Variants in ZRANB1 observed in about 807,000 individuals in gnomAD.
ZRANB1 encodes the protein ubiquitin thioesterase ZRANB1.
A neutral mutation model predicts 80.5 loss-of-function variants in ZRANB1; 16 were observed. The ratio of observed to expected loss-of-function variants is 0.20; its 90% CI spans 0.13 to 0.30. The LOEUF (loss-of-function observed/expected upper bound fraction) is 0.30. Ranked by LOEUF, ZRANB1 falls within the 10% of genes least tolerant of loss-of-function variation. The pLI is 1.00. For synonymous variants in ZRANB1, 291 were observed against 293.1 expected (o/e 0.99, Z 0.07); for missense variants, 576 against 862.6 (o/e 0.67, Z 4.16).
At position 124,971,965 on chromosome 10, in the gene ZRANB1, G is replaced by A; in HGVS notation, c.1003G>A (p.Val335Met). The A allele has an allele frequency of 6.3e-7, 1 of 1,587,498 alleles. No homozygotes were observed. The highest frequency in any genetic ancestry group is 1.3e-5 in the African/African-American group (1 of 74,114). ...QDMLAILLTE[V>M]SQQAAKCIPA... ...GAGGAAGGTTTCTTTTGTATTTAAG[G>A]TGTCTCAACAAGCAGCAAAGTGTAT... Residue 335 changes from valine to methionine, a missense_variant and splice_region_variant, in exon 3 of 9, where the codon GTG becomes ATG. Physicochemically the swap from Val to Met is conservative, Grantham distance 21. Around this residue, in one of 3 missense-constraint regions of ZRANB1, gnomAD observed 411 missense variants for 583.1 expected, o/e 0.70. Coordinates refer to ENST00000359653, the MANE Select transcript of ZRANB1 (RefSeq NM_017580.3).
chr10:124,981,675 A>G (rs751422576), intron 5 of ZRANB1, 34 bp from the exon 6 acceptor site: 3 of 1,544,298 alleles, frequency 1.9e-6, no homozygotes, highest in Non-Finnish European at 2.6e-6. Context: ...ATAGAAGACT[A>G]TTTATTTATT....
At position 124,984,765 on chromosome 10, in the gene ZRANB1, C is replaced by G. The variant is rs749018228; in HGVS notation, c.1909-9C>G. On this transcript the variant is annotated splice_polypyrimidine_tract_variant and intron_variant, in intron 8 of 8. Transcript: ENST00000359653. ...TGATTTTCCCTTTGTCTTCATATTC[C>G]TCCAAAAGCTAGGTAATGAGGAACA... is the stretch of plus-strand genomic sequence containing the variant. 3 of 1,611,354 alleles carry G rather than the reference C, an allele frequency of 1.9e-6. No homozygotes were observed. The East Asian group carries it at 6.7e-5, about 36-fold the overall frequency.
chr10:124,924,270 T>G, the ZRANB1 span, among the ~76,000 whole-genome samples: 6 of 151,174 alleles, frequency 4.0e-5, no homozygotes, highest in Non-Finnish European at 7.4e-5. Flanking sequence ...TTAATTGGAA[T>G]CAGTTGCAAA....
At chr10:124,919,668 G>C in the ZRANB1 span, among the ~76,000 whole-genome samples, 3 of 137,782 alleles carry the variant, frequency 2.2e-5, no homozygotes, top group African/African-American at 8.5e-5. Flanking sequence ...CTGAATTGCA[G>C]TGGCGCGATT....
intron 5 of ZRANB1, among the ~76,000 whole-genome samples, chr10:124,975,860 G>T (rs1171513366): frequency 6.6e-6 from 1 of 152,248 alleles, no homozygotes; most frequent in African/African-American, 2.4e-5. Context: ...AAATTAGCCA[G>T]GTGTGGTGGT....
At chr10:124,948,738 C>T (rs762601004) in intron 1 of ZRANB1, among the ~76,000 whole-genome samples, 1 of 152,132 alleles carries the variant, frequency 6.6e-6, no homozygotes, top group Non-Finnish European at 1.5e-5. Context: ...TTATTTGTCT[C>T]TCTCTACTCT....
intron 5 of ZRANB1, among the ~76,000 whole-genome samples, chr10:124,976,505 A>G (rs960431865): frequency 6.7e-6 from 1 of 150,204 alleles, no homozygotes; most frequent in Non-Finnish European, 1.5e-5. Flanking sequence ...TGGTAAATCT[A>G]CCACTTTGCA....
At chr10:124,984,387 G>GA (rs1327138563) in intron 8 of ZRANB1, 18 of 171,854 alleles carry the variant, frequency 1.0e-4, no homozygotes, top group Admixed American at 2.4e-4. Context: ...ACAACATGAA[G>GA]AAAAAAAGTT....
the ZRANB1 span, among the ~76,000 whole-genome samples, chr10:124,924,021 G>A: frequency 1.4e-4 from 21 of 149,732 alleles, no homozygotes; most frequent in Admixed American, 4.0e-4. Flanking sequence ...CTCACACACC[G>A]CAGTTTTGGT....
At chr10:124,981,645 G>A in intron 5 of ZRANB1, 64 bp from the exon 6 acceptor site, 1 of 1,403,248 alleles carries the variant, frequency 7.1e-7, no homozygotes, top group Admixed American at 2.5e-5. Flanking sequence ...AAAATGATCA[G>A]AACTTTAAAT....
Position 124,961,341 on chromosome 10 carries a change from C to T in ZRANB1, c.815-5253C>T, listed in dbSNP as rs74160984. Reference sequence around the variant, plus strand: ...ATTTTTAAGAACCGTAATTTCCTTTCAGTTGAATATTTTCAGTAATGTTTT... The same window carrying T: ...ATTTTTAAGAACCGTAATTTCCTTTTAGTTGAATATTTTCAGTAATGTTTT... On this transcript the variant is annotated intron_variant, in intron 1 of 8. Coordinates refer to ENST00000359653, the MANE Select transcript of ZRANB1 (RefSeq NM_017580.3). Among the ~76,000 whole-genome samples, 810 of 152,258 alleles carry T rather than the reference C, an allele frequency of 5.3e-3. 10 individuals are homozygous for T. Among genetic ancestry groups the T allele is most frequent in the African/African-American group, 0.018 (743 of 41,536 alleles).
chr10:124,955,963 A>G (rs1951684950), intron 1 of ZRANB1, among the ~76,000 whole-genome samples: 1 of 152,194 alleles, frequency 6.6e-6, no homozygotes, highest in Non-Finnish European at 1.5e-5. Context: ...TGTTTCTATT[A>G]AGGCAAATGG....
At chr10:124,925,251 C>T in the ZRANB1 span, among the ~76,000 whole-genome samples, 32 of 152,288 alleles carry the variant, frequency 2.1e-4, no homozygotes, top group East Asian at 1.9e-3. Context: ...CGTTTCTCTA[C>T]ATCCTAATCA....
In ZRANB1 at chr10:124,966,595, G is replaced by C; in HGVS notation, c.816G>C (p.Gly272=). 6.2e-7 allele frequency: 1 copy of C among 1,612,108 alleles called. No homozygotes were observed. The highest frequency in any genetic ancestry group is 8.5e-7 in the Non-Finnish European group (1 of 1,178,526). ...TDWLFLNACV[G]VVEGDLAAIE... ...TTTCTATCTTGATGCTTGTTTTAGG[G>C]GTTGTAGAAGGTGATTTAGCTGCCA... The change falls in exon 2 of 9, where the codon GGG becomes GGC. Residue 272 remains glycine, a splice_region_variant and synonymous_variant. Coordinates refer to ENST00000359653, the MANE Select transcript of ZRANB1 (RefSeq NM_017580.3).
chr10:124,924,192 C>T, the ZRANB1 span, among the ~76,000 whole-genome samples: 1 of 151,528 alleles, frequency 6.6e-6, no homozygotes, highest in Non-Finnish European at 1.5e-5. Flanking sequence ...GCTTGATGAG[C>T]CTCCGCACCT....
chr10:124,935,136 C>T, the ZRANB1 span, among the ~76,000 whole-genome samples: 4 of 152,160 alleles, frequency 2.6e-5, no homozygotes, highest in African/African-American at 9.7e-5. Flanking sequence ...TTACATGTTA[C>T]AAATTTTTTA....
At chr10:124,961,127 G>A (rs1016727743) in intron 1 of ZRANB1, among the ~76,000 whole-genome samples, 10 of 151,646 alleles carry the variant, frequency 6.6e-5, no homozygotes, top group South Asian at 2.1e-4. Flanking sequence ...TCAGCCTCCC[G>A]AGTAGCTGAG....
rs1157219447 is a variant in ZRANB1, at chr10:124,983,337, T to G, written c.1678+33T>G. The stretch of plus-strand genomic sequence containing the variant: ...ATTATTCAGGAACGTTTTACAAGTT[T>G]CTTTGAACGGAATGGCTCAGATGTC... On this transcript the variant is annotated intron_variant, in intron 7 of 8. Coordinates refer to ENST00000359653, the MANE Select transcript of ZRANB1 (RefSeq NM_017580.3). This position sits in a 1 kb window ranked among gnomAD's most constrained non-coding sequence, Gnocchi z 6.2. The G allele has an allele frequency of 6.2e-7, 1 of 1,610,928 alleles. No homozygotes were observed. The highest frequency in any genetic ancestry group is 1.7e-5 in the Admixed American group (1 of 59,740).
At chr10:124,945,409 A>ATTTTTTTTTTTTTTTTTTTTTTTTTTTTT (rs57697692) in intron 1 of ZRANB1, 4 of 123,554 alleles carry the variant, frequency 3.2e-5, no homozygotes, top group African/African-American at 1.5e-4. Flanking sequence ...TCTTAAAATC[A>ATTTTTTTTTTTTTTTTTTTTTTTTTTTTT]TTTTTTTTTT....
Sources: gnomAD v4.1 joint callset for allele counts (sites outside exome capture counted in the v4.1 genomes callset) on GRCh38, gnomAD v4.1.1 for gene constraint, gnomAD v4.1.1 regional missense constraint, Gnocchi (gnomAD v3.1) non-coding constraint, MANE v1.5 for transcripts, NCBI Gene and HGNC (gene_info 2026-07-23, HGNC 2026-07-21) for gene names.